NAB1: variants seen among roughly 807,000 people sequenced by gnomAD.
NAB1 encodes NGFI-A binding protein 1.
A neutral mutation model predicts 49.9 loss-of-function variants in NAB1; 25 were observed. The observed-to-expected ratio is 0.50, with a 90% CI of 0.37 to 0.70. NAB1 has a LOEUF of 0.70. NAB1 is among the 30% of genes least tolerant of loss of function. NAB1 has a pLI of 0.00. For synonymous variants in NAB1, 198 were observed against 215.6 expected (o/e 0.92, Z 0.71); for missense variants, 489 against 575.9 (o/e 0.85, Z 1.54).
chr2:190,665,027 A>G (rs1694442074), intron 4 of NAB1, among the ~76,000 whole-genome samples: 1 of 152,138 alleles, frequency 6.6e-6, no homozygotes, highest in Non-Finnish European at 1.5e-5. Context: ...TTCTTAATGA[A>G]GGCCTACTGG....
chr2:190,664,441 T>G (rs1052153121), intron 4 of NAB1, among the ~76,000 whole-genome samples: 1 of 151,892 alleles, frequency 6.6e-6, no homozygotes, highest in Non-Finnish European at 1.5e-5. Context: ...CCTCCCAGGC[T>G]TAGGTGATTC....
chr2:190,665,533 T>C (rs1382008644), intron 4 of NAB1, among the ~76,000 whole-genome samples: 2 of 152,230 alleles, frequency 1.3e-5, no homozygotes, highest in African/African-American at 4.8e-5. Context: ...GTGTTCACTT[T>C]TGTTGCCTTG....
At position 190,680,411 on chromosome 2, in the gene NAB1, GCTTT is replaced by G. The variant is rs1372410582; in HGVS notation, c.1006-3322_1006-3319del. 6.6e-6 allele frequency among the ~76,000 whole-genome samples: 1 copy of G among 152,138 alleles called. No homozygotes were observed. Among genetic ancestry groups the G allele is most frequent in the African/African-American group, 2.4e-5 (1 of 41,432 alleles). On this transcript the variant is annotated intron_variant, in intron 6 of 9. Coordinates refer to ENST00000337386, the MANE Select transcript of NAB1 (RefSeq NM_005966.4). The surrounding 1 kb of genome is among the most constrained non-coding windows in gnomAD (Gnocchi z 5.2). ...TTGCCTCCAGGCATCTGTACCAGCT[GCTTT>G]CTTTTGGAACTCTCAGCCTAGACAC...
intron 7 of NAB1, 124 bp downstream of exon 7, chr2:190,683,951 A>G: frequency 1.3e-6 from 1 of 744,114 alleles, no homozygotes; most frequent in South Asian, 1.7e-5. Context: ...TTGTTTTTTA[A>G]AACGTCATCT....
Position 190,659,851 on chromosome 2 carries a change from C to T in NAB1, c.675C>T (p.Asn225=). 1 of 1,614,188 alleles carries T rather than the reference C, an allele frequency of 6.2e-7. No homozygotes were observed. ...AAGTGAAAGAGCTGCTAAAAACCAA[C>T]AAGAAGTTGGCCAAAATGATTGGTC... ...LNEVKELLKT[N]KKLAKMIGHI... The change falls in exon 4 of 10, where the codon AAC becomes AAT. Residue 225 remains asparagine (N), a synonymous_variant. Coordinates refer to ENST00000337386, the MANE Select transcript of NAB1 (RefSeq NM_005966.4). This position sits in a 1 kb window ranked among gnomAD's most constrained non-coding sequence, Gnocchi z 6.2.
Position 190,685,852 on chromosome 2 carries a change from C to T in NAB1, c.1258+214C>T, listed in dbSNP as rs1695580151. On this transcript the variant is annotated intron_variant, in intron 8 of 9. Transcript: ENST00000337386. This position sits in a 1 kb window ranked among gnomAD's most constrained non-coding sequence, Gnocchi z 4.5. ...AATTTTTTAATCTTTAAGCAGTTGGCACCTGAGATTGACATGTATTATTTT... is the reference window on the plus strand; with the variant it reads ...AATTTTTTAATCTTTAAGCAGTTGGTACCTGAGATTGACATGTATTATTTT... 6.6e-6 allele frequency among the ~76,000 whole-genome samples: 1 copy of T among 152,156 alleles called. No homozygotes were observed.
In NAB1 at chr2:190,689,380, C is replaced by CT. The variant is rs1008068457; in HGVS notation, c.1376-857dup. Reference sequence around the variant, plus strand: ...GCAGGAATTCAATAAATAGTAGCTACTTTTTTTTACTACTCTTACGCGGAA... The same window carrying CT: ...GCAGGAATTCAATAAATAGTAGCTACTTTTTTTTTACTACTCTTACGCGGAA... On this transcript the variant is annotated intron_variant, in intron 9 of 9. Coordinates refer to ENST00000337386, the MANE Select transcript of NAB1 (RefSeq NM_005966.4). This position sits in a 1 kb window ranked among gnomAD's most constrained non-coding sequence, Gnocchi z 4.3. 1.7e-4 allele frequency among the ~76,000 whole-genome samples: 26 copies of CT among 152,012 alleles called. No homozygotes were observed. Among genetic ancestry groups the CT allele is most frequent in the African/African-American group, 9.7e-5 (4 of 41,374 alleles).
intron 9 of NAB1, 125 bp downstream of exon 9, chr2:190,687,442 C>T (rs1695674807): frequency 1.7e-6 from 1 of 586,768 alleles, no homozygotes; most frequent in Non-Finnish European, 2.9e-6. Flanking sequence ...AGTGTTCCTA[C>T]AGGTTGAGTA....
intron 2 of NAB1, among the ~76,000 whole-genome samples, chr2:190,653,245 T>C (rs2125555693): frequency 6.6e-6 from 1 of 152,332 alleles, no homozygotes; most frequent in South Asian, 2.1e-4. Flanking sequence ...CTTTCTGTCC[T>C]CAGATTTCCT....
At position 190,678,899 on chromosome 2, in the gene NAB1, A is replaced by G. The variant is rs1053456892; in HGVS notation, c.1006-4839A>G. On this transcript the variant is annotated intron_variant, in intron 6 of 9. Coordinates refer to ENST00000337386, the MANE Select transcript of NAB1 (RefSeq NM_005966.4). This position sits in a 1 kb window ranked among gnomAD's most constrained non-coding sequence, Gnocchi z 4.9. Reference sequence around the variant, plus strand: ...TTGAGAACATCTGCTGTAACAAGTCATCTAGAGACAGCTAAGCAGTGGCTT... The same window carrying G: ...TTGAGAACATCTGCTGTAACAAGTCGTCTAGAGACAGCTAAGCAGTGGCTT... Among the ~76,000 whole-genome samples the G allele has an allele frequency of 6.6e-6, 1 of 152,248 alleles. No individual in the cohort carries two copies. The highest frequency in any genetic ancestry group is 2.4e-5 in the African/African-American group (1 of 41,470).
At position 190,684,988 on chromosome 2, in the gene NAB1, A is replaced by C. The variant is rs1463659905; in HGVS notation, c.1096-488A>C. On this transcript the variant is annotated intron_variant, in intron 7 of 9. Transcript: ENST00000337386. The surrounding 1 kb of genome is among the most constrained non-coding windows in gnomAD (Gnocchi z 4.6). ...TTTACATTGTTTAATTTTAGTGGGA[A>C]GTGTATTTGTCTTGTTCTTCTAGAC... 5.3e-5 allele frequency among the ~76,000 whole-genome samples: 8 copies of C among 152,176 alleles called. No homozygotes were observed. In the East Asian group the frequency reaches 1.5e-3, roughly 29 times the overall value.
At chr2:190,660,943 A>ATT (rs35775676) in intron 4 of NAB1, among the ~76,000 whole-genome samples, 6,098 of 144,820 alleles carry the variant, frequency 0.042, 157 homozygotes, top group Middle Eastern at 0.072. Flanking sequence ...GTCATAGCTA[A>ATT]TTTTTTTTTT....
chr2:190,652,460 TATC>T lies in NAB1; in HGVS notation c.-197+2481_-197+2483del, dbSNP rs1175909746. ...ATAGTTAAATGAATAAATACATAGT[TATC>T]ATTTAGCAAAATCTGGTTTAGTTTT... On this transcript the variant is annotated intron_variant, in intron 2 of 9. Transcript: ENST00000337386. The surrounding 1 kb of genome is among the most constrained non-coding windows in gnomAD (Gnocchi z 4.2). Among the ~76,000 whole-genome samples, 1 of 152,194 alleles carries T rather than the reference TATC, an allele frequency of 6.6e-6. No individual in the cohort carries two copies. Among genetic ancestry groups the T allele is most frequent in the Non-Finnish European group, 1.5e-5 (1 of 68,030 alleles).
rs750373151 is a variant in NAB1 at position 190,683,094 on chromosome 2, GTTTTGT to G, written c.1006-627_1006-622del. On this transcript the variant is annotated intron_variant, in intron 6 of 9. Transcript: ENST00000337386. ...CCACTAGGTTAAATGTTTTTTATGT[GTTTTGT>G]TTTTGTTTTTGTTTTTTTGAGACAG... is the stretch of plus-strand genomic sequence containing the variant. Among the ~76,000 whole-genome samples the G allele has an allele frequency of 1.0e-3, 156 of 152,098 alleles. 1 individual carries two copies. The highest frequency in any genetic ancestry group is 3.4e-3 in the African/African-American group (142 of 41,516).
Position 190,684,481 on chromosome 2 carries a change from ATATGCT to A in NAB1, c.1095+658_1095+663del. Among the ~76,000 whole-genome samples, 1 of 152,256 alleles carries A rather than the reference ATATGCT, an allele frequency of 6.6e-6. No individual in the cohort carries two copies. The highest frequency in any genetic ancestry group is 1.9e-4 in the East Asian group (1 of 5,188). ...ATGAAAAATACATTTTTTACCTCAGATATGCTTATTTAAATTTTGTCAATTTAGTAA... is the reference window on the plus strand; with the variant it reads ...ATGAAAAATACATTTTTTACCTCAGATATTTAAATTTTGTCAATTTAGTAA... On this transcript the variant is annotated intron_variant, in intron 7 of 9. Coordinates refer to ENST00000337386, the MANE Select transcript of NAB1 (RefSeq NM_005966.4). The surrounding 1 kb of genome is among the most constrained non-coding windows in gnomAD (Gnocchi z 4.6).
Position 190,676,587 on chromosome 2 carries a change from G to T in NAB1, c.1005+3435G>T, listed in dbSNP as rs1318535598. Among the ~76,000 whole-genome samples the T allele has an allele frequency of 6.6e-6, 1 of 152,170 alleles. No homozygotes were observed. Among genetic ancestry groups the T allele is most frequent in the Non-Finnish European group, 1.5e-5 (1 of 68,024 alleles). On this transcript the variant is annotated intron_variant, in intron 6 of 9. Transcript: ENST00000337386. This position sits in a 1 kb window ranked among gnomAD's most constrained non-coding sequence, Gnocchi z 4.6. ...TTACAAAAATTAGCCAGGCATGATG[G>T]CATGTGCCTGTAGTCCCAGCTAATC...
chr2:190,681,904 G>GT (rs982400201), intron 6 of NAB1, among the ~76,000 whole-genome samples: 1 of 152,132 alleles, frequency 6.6e-6, no homozygotes, highest in African/African-American at 2.4e-5. Flanking sequence ...AAGAACTTTG[G>GT]TTTTTAAGGA....
intron 4 of NAB1, among the ~76,000 whole-genome samples, chr2:190,661,153 G>A (rs1694206050): frequency 6.6e-6 from 1 of 152,092 alleles, no homozygotes; most frequent in Admixed American, 6.6e-5. Context: ...CTGGTCTCAA[G>A]CTCCTGGGCT....
chr2:190,670,796 A>G lies in NAB1; in HGVS notation c.953+337A>G, dbSNP rs1471076173. On this transcript the variant is annotated intron_variant, in intron 5 of 9. Transcript: ENST00000337386. The surrounding 1 kb of genome is among the most constrained non-coding windows in gnomAD (Gnocchi z 5.3). The stretch of plus-strand genomic sequence containing the variant: ...TATAGACGTATTTGTACACCCGCTA[A>G]CTACGTGAACTTGTTGAACTCTGAG... 6.6e-6 allele frequency among the ~76,000 whole-genome samples: 1 copy of G among 152,176 alleles called. No individual in the cohort carries two copies. The highest frequency in any genetic ancestry group is 1.5e-5 in the Non-Finnish European group (1 of 68,034).
Sources: allele counts gnomAD v4.1 joint callset (sites outside exome capture counted in the v4.1 genomes callset), GRCh38; gene constraint gnomAD v4.1.1; non-coding constraint Gnocchi (gnomAD v3.1); transcripts MANE v1.5; gene names NCBI Gene and HGNC (gene_info 2026-07-23, HGNC 2026-07-21).